The following NCOA2 variants were observed in gnomAD, a reference collection of about 807,000 sequenced individuals.
The protein encoded by NCOA2 is nuclear receptor coactivator 2.
Under a neutral mutation model 145.1 loss-of-function variants are expected in NCOA2, and 21 were observed. The observed-to-expected ratio is 0.14, with a 90% CI of 0.10 to 0.21. The LOEUF is 0.21. Among genes scored for constraint, NCOA2 ranks in the 10% least tolerant of loss-of-function variants. NCOA2 has a pLI of 1.00. For synonymous variants in NCOA2, 619 were observed against 637.5 expected (o/e 0.97, Z 0.44); for missense variants, 1,472 against 1,837.6 (o/e 0.80, Z 3.64).
At chr8:70,340,744 G>T (rs1586543795) in intron 1 of NCOA2, among the ~76,000 whole-genome samples, 1 of 152,254 alleles carries the variant, frequency 6.6e-6, no homozygotes, top group South Asian at 2.1e-4. Flanking sequence ...GGAATACTAT[G>T]CAGCCATAAA....
chr8:70,274,751 C>G (rs1192845293), intron 2 of NCOA2, among the ~76,000 whole-genome samples: 1 of 152,156 alleles, frequency 6.6e-6, no homozygotes, highest in Non-Finnish European at 1.5e-5. Flanking sequence ...TATTCTAAGA[C>G]TCCTTTACAA....
intron 2 of NCOA2, among the ~76,000 whole-genome samples, chr8:70,233,190 C>T (rs1374912114): frequency 3.3e-5 from 5 of 151,912 alleles, no homozygotes; most frequent in Non-Finnish European, 4.4e-5. Flanking sequence ...CGCACCACTA[C>T]ACTCCAGCCT....
chr8:70,249,885 C>T (rs1198082954), intron 2 of NCOA2, among the ~76,000 whole-genome samples: 1 of 144,274 alleles, frequency 6.9e-6, no homozygotes, highest in East Asian at 2.0e-4. Flanking sequence ...ATCGCTTGAA[C>T]CTGGGAGGCA....
chr8:70,189,567 G>T (rs3812428), intron 4 of NCOA2, among the ~76,000 whole-genome samples: 21,870 of 152,204 alleles, frequency 0.14, 2,196 homozygotes, highest in African/African-American at 0.28. Flanking sequence ...CTGTACAGCA[G>T]CAACTTCAAG....
upstream of NCOA2, among the ~76,000 whole-genome samples, chr8:70,404,932 C>T (rs1216500669): frequency 2.6e-5 from 4 of 152,014 alleles, no homozygotes; most frequent in Non-Finnish European, 5.9e-5. Context: ...GGAACATATT[C>T]CCTGATTTTA....
At chr8:70,177,346 C>T (rs547343750) in intron 4 of NCOA2, among the ~76,000 whole-genome samples, 3 of 152,238 alleles carry the variant, frequency 2.0e-5, no homozygotes, top group Non-Finnish European at 2.9e-5. Context: ...GTAGGCTACC[C>T]GACTTGAAGG....
At chr8:70,451,231 A>T in the NCOA2 span, among the ~76,000 whole-genome samples, 256 of 99,030 alleles carry the variant, frequency 2.6e-3, 4 homozygotes, top group African/African-American at 9.5e-3. Context: ...AAAAAAAAAA[A>T]AAAAAAATAT....
chr8:70,291,935 G>C (rs1463290590), intron 2 of NCOA2, among the ~76,000 whole-genome samples: 1 of 151,886 alleles, frequency 6.6e-6, no homozygotes, highest in Non-Finnish European at 1.5e-5. Context: ...CCGTAGCCGG[G>C]TGCGGTGGCG....
rs528620570 is a variant in NCOA2 at position 70,268,701 on chromosome 8, G to A, written c.-20+28043C>T. On this transcript the variant is annotated intron_variant, in intron 2 of 22. Transcript: ENST00000452400. ...GCAAAAACCATCACTACTGCTTCAC[G>A]GGTTTTTATTAATATTAAATGAGTT... Among the ~76,000 whole-genome samples the A allele has an allele frequency of 2.2e-4, 34 of 152,022 alleles. No homozygotes were observed. The East Asian group carries it at 4.8e-3, about 22-fold the overall frequency.
chr8:70,138,662 G>C (rs1402156478), intron 14 of NCOA2, among the ~76,000 whole-genome samples: 1 of 152,160 alleles, frequency 6.6e-6, no homozygotes, highest in Non-Finnish European at 1.5e-5. Context: ...AAAAAGTGTA[G>C]ATTCATTTAA....
At chr8:70,330,968 CT>C (rs1807043836) in intron 1 of NCOA2, among the ~76,000 whole-genome samples, 1 of 152,106 alleles carries the variant, frequency 6.6e-6, no homozygotes, top group Non-Finnish European at 1.5e-5. Context: ...TAAATAAGAA[CT>C]TTCAATTAGC....
intron 4 of NCOA2, among the ~76,000 whole-genome samples, chr8:70,184,998 T>G (rs1183837849): frequency 6.6e-6 from 1 of 152,222 alleles, no homozygotes; most frequent in East Asian, 1.9e-4. Flanking sequence ...TTTGTTCCAC[T>G]TCTCAGACCT....
chr8:70,217,468 C>T (rs938489116), intron 2 of NCOA2, among the ~76,000 whole-genome samples: 2 of 152,106 alleles, frequency 1.3e-5, no homozygotes, highest in African/African-American at 4.8e-5. Flanking sequence ...TCTCTCACAT[C>T]CTGCCGCCTC....
chr8:70,383,314 T>C (rs986990003), intron 1 of NCOA2, among the ~76,000 whole-genome samples: 1 of 152,200 alleles, frequency 6.6e-6, no homozygotes, highest in African/African-American at 2.4e-5. Flanking sequence ...TTTTGTTTAA[T>C]CCCTTGACCT....
chr8:70,376,800 T>G (rs1811704613), intron 1 of NCOA2, among the ~76,000 whole-genome samples: 1 of 152,190 alleles, frequency 6.6e-6, no homozygotes. Context: ...TACTATTTCC[T>G]GTCAAAATCT....
chr8:70,297,717 C>T (rs1024227881), intron 1 of NCOA2, among the ~76,000 whole-genome samples: 2 of 152,162 alleles, frequency 1.3e-5, no homozygotes, highest in Non-Finnish European at 2.9e-5. Context: ...AAAGGAAGAA[C>T]TGAATATTTT....
intron 15 of NCOA2, among the ~76,000 whole-genome samples, chr8:70,134,868 T>C (rs1158660147): frequency 1.3e-5 from 2 of 152,100 alleles, no homozygotes; most frequent in African/African-American, 4.8e-5. Context: ...TCAACACAAG[T>C]TGGGACTCTC....
chr8:70,286,183 TG>T (rs1826217833), intron 2 of NCOA2, among the ~76,000 whole-genome samples: 1 of 151,878 alleles, frequency 6.6e-6, no homozygotes, highest in African/African-American at 2.4e-5. Flanking sequence ...GAGGCTGAGG[TG>T]GGAGGATCAC....
intron 1 of NCOA2, 77 bp downstream of exon 1, chr8:70,403,623 G>GC: frequency 2.9e-6 from 1 of 339,528 alleles, no homozygotes; most frequent in East Asian, 4.4e-5. Context: ...GTCGCGGCCG[G>GC]GGGTGGGGAC....
Sources: gnomAD v4.1 joint callset for allele counts (sites outside exome capture counted in the v4.1 genomes callset) on GRCh38, gnomAD v4.1.1 for gene constraint, MANE v1.5 for transcripts, NCBI Gene and HGNC (gene_info 2026-07-23, HGNC 2026-07-21) for gene names.